YBX3: variants seen among roughly 807,000 people sequenced by gnomAD.
The protein encoded by YBX3 is Y-box binding protein 3, also known as Y-box-binding protein 3.
YBX3 carries 29 observed loss-of-function variants against 42.4 expected under a neutral mutation model. The ratio of observed to expected loss-of-function variants is 0.68; its 90% CI spans 0.51 to 0.93. The LOEUF (loss-of-function observed/expected upper bound fraction) is 0.93, where lower values mean the gene tolerates loss of function less well. Ranked by LOEUF, YBX3 falls within the 40% of genes least tolerant of loss-of-function variation. The pLI is 0.00. For missense variants in YBX3, 517 were observed against 527.5 expected, an observed-to-expected ratio of 0.98 and a Z score of 0.19; for synonymous variants, 195 against 189.8, an observed-to-expected ratio of 1.03 and a Z score of -0.22.
intron 1 of YBX3, among the ~76,000 whole-genome samples, chr12:10,719,933 T>TA (rs1186241026): frequency 6.6e-6 from 1 of 152,208 alleles, no homozygotes; most frequent in East Asian, 1.9e-4. Flanking sequence ...CTAAACAAAA[T>TA]AAAACTTCAT....
intron 6 of YBX3, among the ~76,000 whole-genome samples, chr12:10,709,271 C>T (rs969097919): frequency 3.9e-5 from 6 of 152,124 alleles, no homozygotes; most frequent in African/African-American, 1.4e-4. Flanking sequence ...CTAGGAACTG[C>T]AAAATTGATG....
chr12:10,715,834 C>A, intron 3 of YBX3, 51 bp from the exon 4 acceptor site: 1 of 1,457,628 alleles, frequency 6.9e-7, no homozygotes. Flanking sequence ...ATATTGGCCA[C>A]AGATTTCACT....
At chr12:10,712,944 C>T (rs987402976) in intron 5 of YBX3, 25 of 411,148 alleles carry the variant, frequency 6.1e-5, no homozygotes, top group African/African-American at 4.7e-4. Flanking sequence ...TATACTGCTC[C>T]AGTGATGGGT....
intron 7 of YBX3, 95 bp downstream of exon 7, chr12:10,703,955 TA>T: frequency 8.6e-7 from 1 of 1,163,474 alleles, no homozygotes; most frequent in Non-Finnish European, 1.3e-6. Context: ...ATCTTCTAGA[TA>T]TATAATAAAT....
intron 5 of YBX3, chr12:10,710,575 T>G: frequency 1.6e-6 from 2 of 1,244,508 alleles, no homozygotes; most frequent in Non-Finnish European, 2.1e-6. Context: ...GTCTGTAAAG[T>G]GTGGATGGGA....
At position 10,704,100 on chromosome 12, in the gene YBX3, GT is replaced by G; in HGVS notation, c.828del (p.Gln276HisfsTer112). ...GGATTTCGATGAACCGGTCCCTGAA[GT>G]TGTGCTCCCTCTGGGACTCCATCCT... ...EMKDGVPEGA[Q>X]LQGPVHRNPT... is the part of the protein sequence containing the mutation. On this transcript the variant is annotated frameshift_variant, in exon 7 of 10. Transcript: ENST00000228251. LOFTEE classifies it high-confidence loss of function. 1 of 1,614,208 alleles carries G rather than the reference GT, an allele frequency of 6.2e-7. No individual in the cohort carries two copies. The highest frequency in any genetic ancestry group is 1.3e-5 in the African/African-American group (1 of 75,040).
intron 4 of YBX3, among the ~76,000 whole-genome samples, chr12:10,715,044 C>T (rs889611089): frequency 6.6e-6 from 1 of 151,886 alleles, no homozygotes; most frequent in Non-Finnish European, 1.5e-5. Flanking sequence ...GCCACCACGC[C>T]CAGCTGCAAA....
rs371991259 is a variant in YBX3, at chr12:10,704,089, C to T, written c.840G>A (p.Pro280=). The change falls in exon 7 of 10, where the codon CCG becomes CCA. Residue 280 remains proline (P), a synonymous_variant. Transcript: ENST00000228251. The part of the protein sequence containing the change: ...GVPEGAQLQG[P]VHRNPTYRPR... ...GGCGGTAAGTTGGATTTCGATGAAC[C>T]GGTCCCTGAAGTTGTGCTCCCTCTG... 104 of 1,614,038 alleles carry T rather than the reference C, an allele frequency of 6.4e-5. No homozygotes were observed. The highest frequency in any genetic ancestry group is 8.2e-5 in the Non-Finnish European group (97 of 1,180,034).
At chr12:10,704,847 C>T (rs191642036) in intron 6 of YBX3, among the ~76,000 whole-genome samples, 34 of 152,348 alleles carry the variant, frequency 2.2e-4, no homozygotes, top group East Asian at 7.7e-4. Flanking sequence ...AGCATGTTAA[C>T]GCTATCCCTT....
chr12:10,723,292 G>C lies in YBX3; in HGVS notation c.-181C>G. ...AGGCGGCTCGAGCTTCGTGCTGCGC[G>C]CTCTCTCTTGGGCTCCTCGCTCGAT... is the stretch of plus-strand genomic sequence containing the variant. On this transcript the variant is annotated 5_prime_UTR_variant, in exon 1 of 10. Coordinates refer to ENST00000228251, the MANE Select transcript of YBX3 (RefSeq NM_003651.5). 2 of 1,023,316 alleles carry C rather than the reference G, an allele frequency of 2.0e-6. No homozygotes were observed. Among genetic ancestry groups the C allele is most frequent in the Non-Finnish European group, 1.2e-6 (1 of 816,290 alleles). The allele number at this position is 1,023,316 out of a possible 1,614,324, so 63.4% of individuals were successfully genotyped here. A position where few individuals can be genotyped will look rare whatever the true frequency, so the allele number is the denominator to read the frequency against.
chr12:10,713,673 G>C (rs940014010), intron 4 of YBX3, among the ~76,000 whole-genome samples: 1 of 152,212 alleles, frequency 6.6e-6, no homozygotes, highest in Non-Finnish European at 1.5e-5. Context: ...TCCTCAATGG[G>C]AAAGACTTGA....
rs190733001 is a variant in YBX3 at position 10,718,525 on chromosome 12, C to T, written c.327-404G>A. The T allele has an allele frequency of 2.3e-3, 420 of 181,344 alleles. 1 individual carries two copies. The highest frequency in any genetic ancestry group is 3.1e-3 in the Non-Finnish European group (278 of 88,416). The allele number at this position is 181,344 out of a possible 1,614,324, so 11.2% of individuals were successfully genotyped here. ...ACTTAAAACAGCCCCCCACCCCCACCCCACCAAAGGAGACAAGAAATTGGA... is the reference window on the plus strand; with the variant it reads ...ACTTAAAACAGCCCCCCACCCCCACTCCACCAAAGGAGACAAGAAATTGGA... On this transcript the variant is annotated intron_variant, in intron 2 of 9. Transcript: ENST00000228251.
Position 10,704,151 on chromosome 12 carries a change from G to A in YBX3, c.781-3C>T, listed in dbSNP as rs111997295. On this transcript the variant is annotated splice_region_variant and splice_polypyrimidine_tract_variant and intron_variant, in intron 6 of 9. Coordinates refer to ENST00000228251, the MANE Select transcript of YBX3 (RefSeq NM_003651.5). ...TTCATCTCTCCAATCTCACCAGCCT[G>A]GAGAGGCAATGAGAGCTGACAGTGA... The A allele has an allele frequency of 2.5e-4, 402 of 1,613,632 alleles. No individual in the cohort carries two copies. The highest frequency in any genetic ancestry group is 2.4e-4 in the Non-Finnish European group (282 of 1,179,630).
chr12:10,700,274 A>G (rs1948064122), intron 9 of YBX3, among the ~76,000 whole-genome samples: 1 of 152,226 alleles, frequency 6.6e-6, no homozygotes, highest in South Asian at 2.1e-4. Flanking sequence ...ATCACTGGAT[A>G]TAAAAGCAGA....
chr12:10,704,452 C>T (rs1347067683), intron 6 of YBX3: 2 of 218,234 alleles, frequency 9.2e-6, no homozygotes, highest in Non-Finnish European at 1.8e-5. Context: ...AAATAAAATA[C>T]TCTTTTATTT....
Position 10,704,178 on chromosome 12 carries a change from T to G in YBX3, c.781-30A>C, listed in dbSNP as rs371675251. Reference sequence around the variant, plus strand: ...AGAGGCAATGAGAGCTGACAGTGAGTGTCACAGCACAGGGGATAAGATACA... The same window carrying G: ...AGAGGCAATGAGAGCTGACAGTGAGGGTCACAGCACAGGGGATAAGATACA... On this transcript the variant is annotated intron_variant, in intron 6 of 9. Transcript: ENST00000228251. 8 of 1,590,542 alleles carry G rather than the reference T, an allele frequency of 5.0e-6. No individual in the cohort carries two copies. The African/African-American group carries it at 9.4e-5, about 19-fold the overall frequency.
intron 4 of YBX3, 127 bp downstream of exon 4, chr12:10,715,565 TAA>T (rs1183093388): frequency 3.4e-6 from 3 of 872,560 alleles, no homozygotes. Context: ...AAATTCTGTT[TAA>T]AAGTCACTTC....
intron 6 of YBX3, 37 bp from the exon 7 acceptor site, chr12:10,704,185 G>A: frequency 1.3e-6 from 2 of 1,567,854 alleles, no homozygotes; most frequent in South Asian, 2.2e-5. Context: ...GAGTGTCACA[G>A]CACAGGGGAT....
Position 10,713,338 on chromosome 12 carries a change from G to A in YBX3, c.451-5C>T. ...CACATTGGCAGCTTCTGCACCCTGAGAAGAAAATAAAAAGATGGCCTCAAA... is the reference window on the plus strand; with the variant it reads ...CACATTGGCAGCTTCTGCACCCTGAAAAGAAAATAAAAAGATGGCCTCAAA... On this transcript the variant is annotated splice_polypyrimidine_tract_variant and splice_region_variant and intron_variant, in intron 4 of 9. Transcript: ENST00000228251. 3 of 1,608,950 alleles carry A rather than the reference G, an allele frequency of 1.9e-6. No individual in the cohort carries two copies. Among genetic ancestry groups the A allele is most frequent in the Non-Finnish European group, 1.7e-6 (2 of 1,178,914 alleles).
Sources: gnomAD v4.1 joint callset for allele counts (sites outside exome capture counted in the v4.1 genomes callset) on GRCh38, gnomAD v4.1.1 for gene constraint, MANE v1.5 for transcripts, NCBI Gene and HGNC (gene_info 2026-07-23, HGNC 2026-07-21) for gene names.